Variants in SHKBP1 observed in about 807,000 individuals in gnomAD.
The protein encoded by SHKBP1 is SH3KBP1 binding protein 1.
SHKBP1 carries 71 observed loss-of-function variants against 83.9 expected under a neutral mutation model. The ratio of observed to expected loss-of-function variants is 0.85; its 90% CI spans 0.70 to 1.03. The LOEUF (loss-of-function observed/expected upper bound fraction) is 1.03. Among genes scored for constraint, SHKBP1 ranks in the 50% least tolerant of loss-of-function variants. The pLI is 0.00. For missense variants in SHKBP1, 824 were observed against 982.4 expected (o/e 0.84, Z 2.16); for synonymous variants, 371 against 398.0 (o/e 0.93, Z 0.81).
At position 40,588,741 on chromosome 19, in the gene SHKBP1, C is replaced by T. The variant is rs1599847456; in HGVS notation, c.1454C>T (p.Ala485Val). The T allele has an allele frequency of 6.2e-7, 1 of 1,614,004 alleles. No homozygotes were observed. The highest frequency in any genetic ancestry group is 8.5e-7 in the Non-Finnish European group (1 of 1,180,040). ...ASFKILALESADGHGGCSAGN... is the reference protein window; with the variant it reads ...ASFKILALESVDGHGGCSAGN... ...TTTAAGATCCTGGCTCTGGAGTCGG[C>T]AGATGGGCATGGCGGCTGCAGTGCT... The change falls in exon 14 of 18, where the codon GCA becomes GTA. Residue 485 changes from alanine to valine, a missense_variant. By Grantham distance (64) the Ala-to-Val change is moderately conservative. Coordinates refer to ENST00000291842, the MANE Select transcript of SHKBP1 (RefSeq NM_138392.4).
chr19:40,589,397 G>A (rs1474765133), intron 15 of SHKBP1, among the ~76,000 whole-genome samples: 1 of 147,700 alleles, frequency 6.8e-6, no homozygotes, highest in Non-Finnish European at 1.5e-5. Flanking sequence ...ACCTGGCGCA[G>A]TGCCAGCCCA....
intron 12 of SHKBP1, among the ~76,000 whole-genome samples, chr19:40,584,475 C>G (rs982236524): frequency 5.9e-5 from 9 of 152,152 alleles, no homozygotes; most frequent in African/African-American, 2.2e-4. Flanking sequence ...GTGCACAATT[C>G]AGCGGATTTT....
Position 40,580,430 on chromosome 19 carries a change from C to T in SHKBP1, c.507C>T (p.Gly169=), listed in dbSNP as rs2081258749. 6.8e-6 allele frequency: 11 copies of T among 1,614,016 alleles called. No individual in the cohort carries two copies. The highest frequency in any genetic ancestry group is 9.3e-6 in the Non-Finnish European group (11 of 1,180,004). ...RRSNTMPPNL[G]NAGLLGRMLD... ...GCAACACGATGCCCCCCAACCTTGG[C>T]AATGCAGGGCTGCTGGGCCGAATGC... The change falls in exon 7 of 18, where the codon GGC becomes GGT. Residue 169 remains glycine, a synonymous_variant. Coordinates refer to ENST00000291842, the MANE Select transcript of SHKBP1 (RefSeq NM_138392.4).
At chr19:40,582,556 C>A in intron 10 of SHKBP1, 90 bp downstream of exon 10, 2 of 1,078,720 alleles carry the variant, frequency 1.9e-6, no homozygotes, top group African/African-American at 1.6e-5. Flanking sequence ...CCCACCCCCA[C>A]CCCCTAAGCC....
At position 40,583,735 on chromosome 19, in the gene SHKBP1, T is replaced by A. The variant is rs759118328; in HGVS notation, c.1165+18T>A. On this transcript the variant is annotated intron_variant, in intron 12 of 17. Transcript: ENST00000291842. ...CAAGACCAGTAAGCTATGACCCGGCTTCCCCTGCTGCTGTCACCTGCCAGC... is the reference window on the plus strand; with the variant it reads ...CAAGACCAGTAAGCTATGACCCGGCATCCCCTGCTGCTGTCACCTGCCAGC... 1.9e-6 allele frequency: 3 copies of A among 1,595,534 alleles called. No individual in the cohort carries two copies. The highest frequency in any genetic ancestry group is 3.3e-5 in the Admixed American group (2 of 59,884).
In SHKBP1 at chr19:40,589,096, C is replaced by T. The variant is rs377540823; in HGVS notation, c.1507C>T (p.Arg503Trp). 36 of 1,612,528 alleles carry T rather than the reference C, an allele frequency of 2.2e-5. No homozygotes were observed. The highest frequency in any genetic ancestry group is 4.0e-5 in the African/African-American group (3 of 74,900). Residue 503 changes from arginine to tryptophan, a missense_variant, in exon 15 of 18, where the codon CGG becomes TGG. Physicochemically the swap from Arg to Trp is moderately radical, Grantham distance 101. This residue lies in a region of SHKBP1 where 287 missense variants were observed against 322.9 expected (regional missense o/e 0.89). Coordinates refer to ENST00000291842, the MANE Select transcript of SHKBP1 (RefSeq NM_138392.4). ...AGNDIGPYGERDDQQVFIQKV... is the reference protein window; with the variant it reads ...AGNDIGPYGEWDDQQVFIQKV... ...GCCTGGCCCAGGCCCCTACGGTGAG[C>T]GGGACGACCAGCAAGTGTTCATCCA...
Position 40,589,077 on chromosome 19 carries a change from C to T in SHKBP1, c.1493-5C>T. Reference sequence around the variant, plus strand: ...GGCCCTGACCCCTGCCCCTGCCTGGCCCAGGCCCCTACGGTGAGCGGGACG... The same window carrying T: ...GGCCCTGACCCCTGCCCCTGCCTGGTCCAGGCCCCTACGGTGAGCGGGACG... On this transcript the variant is annotated splice_region_variant and splice_polypyrimidine_tract_variant and intron_variant, in intron 14 of 17. Transcript: ENST00000291842. The T allele has an allele frequency of 6.2e-7, 1 of 1,611,210 alleles. No individual in the cohort carries two copies. The highest frequency in any genetic ancestry group is 1.1e-5 in the South Asian group (1 of 91,078).
chr19:40,590,826 G>A lies in SHKBP1; in HGVS notation c.1865G>A (p.Ser622Asn). ...PSAPSWGCLPSPSPRISLTSL... is the reference protein window; with the variant it reads ...PSAPSWGCLPNPSPRISLTSL... ...GCTCCCTCATGGGGCTGTCTCCCCAGCCCCTCACCCCGCATCTCCCTCACC... is the reference window on the plus strand; with the variant it reads ...GCTCCCTCATGGGGCTGTCTCCCCAACCCCTCACCCCGCATCTCCCTCACC... The change falls in exon 17 of 18, where the codon AGC (serine) becomes AAC (asparagine). Residue 622 changes from serine to asparagine, a missense_variant. Ser to Asn is a conservative substitution (Grantham distance 46). Coordinates refer to ENST00000291842, the MANE Select transcript of SHKBP1 (RefSeq NM_138392.4). The surrounding 1 kb of genome is among the most constrained non-coding windows in gnomAD (Gnocchi z 4.6). 1 of 1,592,898 alleles carries A rather than the reference G, an allele frequency of 6.3e-7. No individual in the cohort carries two copies.
At chr19:40,588,995 T>C (rs2081334442) in intron 14 of SHKBP1, 87 bp from the exon 15 acceptor site, 2 of 1,419,298 alleles carry the variant, frequency 1.4e-6, no homozygotes, top group Admixed American at 3.5e-5. Context: ...ACTGGGGTCT[T>C]GGGGTGGTGG....
intron 12 of SHKBP1, 109 bp downstream of exon 12, chr19:40,583,826 C>T (rs117101524): frequency 0.015 from 12,120 of 797,668 alleles, 139 homozygotes; most frequent in Non-Finnish European, 0.019. Flanking sequence ...TATCGAGGGG[C>T]GGCAGATTCA....
Position 40,591,071 on chromosome 19 carries a change from T to C in SHKBP1, c.1988T>C (p.Phe663Ser). The change falls in exon 18 of 18, where the codon TTT (phenylalanine) becomes TCT (serine). Residue 663 changes from phenylalanine (F) to serine (S), a missense_variant. Around this residue, in one of 3 missense-constraint regions of SHKBP1, gnomAD observed 287 missense variants for 322.9 expected, o/e 0.89. Coordinates refer to ENST00000291842, the MANE Select transcript of SHKBP1 (RefSeq NM_138392.4). ...AEARRRGGGS[F>S]VERCQELVRS... is the part of the protein sequence containing the mutation. ...GCCCGGCGCCGTGGTGGGGGCAGCT[T>C]TGTGGAACGCTGCCAGGAACTGGTG... 1.2e-6 allele frequency: 2 copies of C among 1,612,916 alleles called. No homozygotes were observed. Among genetic ancestry groups the C allele is most frequent in the South Asian group, 1.1e-5 (1 of 91,002 alleles).
chr19:40,577,756 G>A, intron 4 of SHKBP1, 126 bp downstream of exon 4: 1 of 1,192,024 alleles, frequency 8.4e-7, no homozygotes, highest in Admixed American at 1.8e-5. Context: ...TTGATCACAG[G>A]CCGGGCGCGC....
intron 12 of SHKBP1, 146 bp downstream of exon 12, chr19:40,583,863 C>A: frequency 1.5e-6 from 1 of 668,360 alleles, no homozygotes. Context: ...TTTTCTGAGA[C>A]AGACTCTCAT....
chr19:40,580,907 T>A lies in SHKBP1; in HGVS notation c.815T>A (p.Leu272Gln). The A allele has an allele frequency of 6.3e-7, 1 of 1,593,092 alleles. No individual in the cohort carries two copies. The highest frequency in any genetic ancestry group is 8.6e-7 in the Non-Finnish European group (1 of 1,168,580). ...ATGSEILLWA[L>Q]QAEGGGSEIG... is the part of the protein sequence containing the mutation. ...GGCAGCGAGATCCTGCTATGGGCTC[T>A]GCAGGCGGAAGGCGGTGGCTCCGAG... The change falls in exon 9 of 18, where the codon CTG becomes CAG. Residue 272 changes from leucine to glutamine, a missense_variant. Coordinates refer to ENST00000291842, the MANE Select transcript of SHKBP1 (RefSeq NM_138392.4).
At chr19:40,584,273 T>C (rs1599843480) in intron 12 of SHKBP1, among the ~76,000 whole-genome samples, 1 of 127,644 alleles carries the variant, frequency 7.8e-6, no homozygotes, top group South Asian at 2.3e-4. Flanking sequence ...AATCTTTGTG[T>C]TTCTTTCCCA....
At chr19:40,582,136 G>T (rs2081275009) in intron 9 of SHKBP1, among the ~76,000 whole-genome samples, 1 of 152,042 alleles carries the variant, frequency 6.6e-6, no homozygotes, top group South Asian at 2.1e-4. Context: ...TGGCCAGGCT[G>T]GTCTCAAACT....
chr19:40,590,946 G>T lies in SHKBP1; in HGVS notation c.1893-30G>T. Reference sequence around the variant, plus strand: ...CAGAGTGGCCCAGCTGCCCCGTGATGACGTGCACTTACTGTCCTTACTTCC... The same window carrying T: ...CAGAGTGGCCCAGCTGCCCCGTGATTACGTGCACTTACTGTCCTTACTTCC... On this transcript the variant is annotated intron_variant, in intron 17 of 17. Coordinates refer to ENST00000291842, the MANE Select transcript of SHKBP1 (RefSeq NM_138392.4). The surrounding 1 kb of genome is among the most constrained non-coding windows in gnomAD (Gnocchi z 4.6). The T allele has an allele frequency of 1.3e-6, 2 of 1,583,462 alleles. No homozygotes were observed. The highest frequency in any genetic ancestry group is 8.6e-7 in the Non-Finnish European group (1 of 1,157,506).
Position 40,586,896 on chromosome 19 carries a change from C to T in SHKBP1, c.1288C>T (p.Arg430Cys), listed in dbSNP as rs749636815. 2.1e-5 allele frequency: 34 copies of T among 1,610,934 alleles called. No individual in the cohort carries two copies. The highest frequency in any genetic ancestry group is 4.5e-5 in the East Asian group (2 of 44,754). The change falls in exon 13 of 18, where the codon CGC becomes TGC. Residue 430 changes from arginine (R) to cysteine (C), a missense_variant. Around this residue, in one of 3 missense-constraint regions of SHKBP1, gnomAD observed 182 missense variants for 273.1 expected, o/e 0.67. Coordinates refer to ENST00000291842, the MANE Select transcript of SHKBP1 (RefSeq NM_138392.4). ...GCTCTTCCAGACCTTCACTGTGCAC[C>T]GCAGCCCTGTCACCAAGATCATGCT... ...PQLFQTFTVHRSPVTKIMLSE... is the reference protein window; with the variant it reads ...PQLFQTFTVHCSPVTKIMLSE...
chr19:40,577,744 C>A lies in SHKBP1; in HGVS notation c.260+114C>A, dbSNP rs768835688. 393 of 1,355,848 alleles carry A rather than the reference C, an allele frequency of 2.9e-4. 4 individuals carry two copies. Among genetic ancestry groups the A allele is most frequent in the Non-Finnish European group, 3.3e-4 (310 of 953,066 alleles). The allele number at this position is 1,355,848 out of a possible 1,614,324, so 84.0% of individuals were successfully genotyped here. A position where few individuals can be genotyped will look rare whatever the true frequency, so the allele number is the denominator to read the frequency against. Reference sequence around the variant, plus strand: ...ATTCTATTAGAATTCTCATTCAGAACCTTGATCACAGGCCGGGCGCGCCGG... The same window carrying A: ...ATTCTATTAGAATTCTCATTCAGAAACTTGATCACAGGCCGGGCGCGCCGG... On this transcript the variant is annotated intron_variant, in intron 4 of 17. Transcript: ENST00000291842.
Sources: allele counts gnomAD v4.1 joint callset (sites outside exome capture counted in the v4.1 genomes callset), GRCh38; gene constraint gnomAD v4.1.1; regional missense constraint gnomAD v4.1.1; non-coding constraint Gnocchi (gnomAD v3.1); transcripts MANE v1.5; gene names NCBI Gene and HGNC (gene_info 2026-07-23, HGNC 2026-07-21).